Variants in PDZRN4 observed in about 807,000 individuals in gnomAD.
The protein encoded by PDZRN4 is PDZ domain containing ring finger 4, also known as PDZ domain-containing RING finger protein 4.
PDZRN4 carries 70 observed loss-of-function variants against 99.0 expected under a neutral mutation model. That is an observed-to-expected ratio of 0.71 (90% confidence interval 0.58 to 0.86). PDZRN4 has a LOEUF of 0.86. PDZRN4 is among the 40% of genes least tolerant of loss of function. The pLI is 0.00. For missense variants in PDZRN4, 1,474 were observed against 1,331.2 expected (o/e 1.11, Z -1.67); for synonymous variants, 551 against 501.6 (o/e 1.10, Z -1.32).
chr12:41,254,827 C>T (rs903797283), intron 3 of PDZRN4, among the ~76,000 whole-genome samples: 8 of 152,210 alleles, frequency 5.3e-5, no homozygotes, highest in Non-Finnish European at 7.3e-5. Context: ...CACAGTAGCT[C>T]ATGCCTGTAA....
chr12:41,533,697 G>A (rs1938702557), intron 5 of PDZRN4, among the ~76,000 whole-genome samples: 1 of 152,014 alleles, frequency 6.6e-6, no homozygotes, highest in Non-Finnish European at 1.5e-5. Context: ...CGCATTTTTT[G>A]TATAGCTGGA....
At chr12:41,442,370 A>T (rs760496177) in intron 3 of PDZRN4, among the ~76,000 whole-genome samples, 11 of 151,860 alleles carry the variant, frequency 7.2e-5, no homozygotes, top group African/African-American at 9.7e-5. Context: ...TTCTTTTTTT[A>T]AAAAAATTAA....
At chr12:41,356,037 G>A (rs562477506) in intron 3 of PDZRN4, among the ~76,000 whole-genome samples, 1 of 151,938 alleles carries the variant, frequency 6.6e-6, no homozygotes, top group African/African-American at 2.4e-5. Context: ...TCTGAGAATT[G>A]AACTGACTAA....
intron 3 of PDZRN4, chr12:41,411,918 G>A (rs1162257277): frequency 1.3e-5 from 2 of 152,162 alleles, no homozygotes; most frequent in African/African-American, 4.8e-5. Context: ...AGAAAGGTTA[G>A]AGAAGAGGGC....
chr12:41,309,318 G>C (rs1272892196), intron 3 of PDZRN4, among the ~76,000 whole-genome samples: 2 of 152,128 alleles, frequency 1.3e-5, no homozygotes, highest in Non-Finnish European at 2.9e-5. Context: ...GTCTAAAATT[G>C]AGGGGCCAGC....
chr12:41,241,126 AT>A (rs947138604), intron 3 of PDZRN4, among the ~76,000 whole-genome samples: 3 of 151,730 alleles, frequency 2.0e-5, no homozygotes, highest in Admixed American at 6.6e-5. Flanking sequence ...CAGATTTTGG[AT>A]TTTTTTAATA....
intron 3 of PDZRN4, among the ~76,000 whole-genome samples, chr12:41,304,440 C>T (rs751406256): frequency 2.6e-5 from 4 of 152,102 alleles, no homozygotes; most frequent in Admixed American, 1.3e-4. Flanking sequence ...ACCTATGAAG[C>T]TTTTTCCAAA....
chr12:41,527,040 C>T (rs945248882), intron 5 of PDZRN4, among the ~76,000 whole-genome samples: 2 of 152,090 alleles, frequency 1.3e-5, no homozygotes, highest in Admixed American at 6.6e-5. Context: ...GATGTGGAAA[C>T]GGGAAGACAT....
At chr12:41,563,396 G>A (rs1939307450) in intron 7 of PDZRN4, 152 bp from the exon 8 acceptor site, 3 of 615,120 alleles carry the variant, frequency 4.9e-6, no homozygotes, top group Non-Finnish European at 5.8e-6. Context: ...GCGTAATTGA[G>A]TGAAGGCACT....
At chr12:41,339,356 G>T (rs995618059) in intron 3 of PDZRN4, among the ~76,000 whole-genome samples, 1 of 152,080 alleles carries the variant, frequency 6.6e-6, no homozygotes, top group Non-Finnish European at 1.5e-5. Flanking sequence ...ATGGTGCTGG[G>T]AAACTTGGAT....
chr12:41,330,537 A>G (rs1422642944), intron 3 of PDZRN4, among the ~76,000 whole-genome samples: 1 of 151,620 alleles, frequency 6.6e-6, no homozygotes, highest in African/African-American at 2.4e-5. Flanking sequence ...TCCTAATAGT[A>G]CCTATTCCAT....
chr12:41,278,798 T>C (rs771916001), intron 3 of PDZRN4, among the ~76,000 whole-genome samples: 13 of 152,340 alleles, frequency 8.5e-5, no homozygotes, highest in Middle Eastern at 3.4e-3. Context: ...CTTTGAACTT[T>C]CTAATTTCTA....
At chr12:41,520,037 G>GT (rs1370342211) in intron 5 of PDZRN4, among the ~76,000 whole-genome samples, 5 of 152,052 alleles carry the variant, frequency 3.3e-5, no homozygotes, top group East Asian at 1.9e-4. Context: ...CGTTTTCTTG[G>GT]TTTTTTGTTT....
chr12:41,210,023 T>G (rs1950877830), intron 3 of PDZRN4, among the ~76,000 whole-genome samples: 1 of 152,062 alleles, frequency 6.6e-6, no homozygotes, highest in African/African-American at 2.4e-5. Flanking sequence ...TTCCTGACTC[T>G]TTAATGATCA....
intron 3 of PDZRN4, among the ~76,000 whole-genome samples, chr12:41,291,647 T>C (rs1017705431): frequency 6.6e-6 from 1 of 152,112 alleles, no homozygotes; most frequent in Non-Finnish European, 1.5e-5. Flanking sequence ...ATGTTTATAG[T>C]TATTGAGTGA....
intron 1 of PDZRN4, among the ~76,000 whole-genome samples, chr12:41,190,210 C>T (rs1007590924): frequency 2.6e-5 from 4 of 152,112 alleles, no homozygotes; most frequent in Non-Finnish European, 5.9e-5. Flanking sequence ...TTAGAAGCGC[C>T]CGTCTTGAAC....
chr12:41,347,579 T>G (rs1254170828), intron 3 of PDZRN4, among the ~76,000 whole-genome samples: 2 of 152,152 alleles, frequency 1.3e-5, no homozygotes, highest in African/African-American at 4.8e-5. Context: ...GCAAATACTT[T>G]TTCTTATTCT....
intron 5 of PDZRN4, among the ~76,000 whole-genome samples, chr12:41,546,295 C>T (rs1356319827): frequency 1.3e-5 from 2 of 152,288 alleles, no homozygotes; most frequent in Non-Finnish European, 2.9e-5. Context: ...GATTTCGGAA[C>T]TCTGCCAATG....
chr12:41,455,573 A>G (rs1358209250), intron 3 of PDZRN4, among the ~76,000 whole-genome samples: 2 of 152,194 alleles, frequency 1.3e-5, no homozygotes, highest in African/African-American at 4.8e-5. Context: ...CAATATTAAT[A>G]ACAGTTTAAT....
Sources: gnomAD v4.1 joint callset for allele counts (sites outside exome capture counted in the v4.1 genomes callset) on GRCh38, gnomAD v4.1.1 for gene constraint, MANE v1.5 for transcripts, NCBI Gene and HGNC (gene_info 2026-07-23, HGNC 2026-07-21) for gene names.